The following PCDH15 variants were observed in gnomAD, a reference collection of about 807,000 sequenced individuals.
The protein encoded by PCDH15 is protocadherin-15.
PCDH15 carries 129 observed loss-of-function variants against 178.5 expected under a neutral mutation model. The ratio of observed to expected loss-of-function variants is 0.72; its 90% CI spans 0.63 to 0.84. PCDH15 has a LOEUF of 0.84. Among genes scored for constraint, PCDH15 ranks in the 40% least tolerant of loss-of-function variants. The pLI is 0.00. For synonymous variants in PCDH15, 800 were observed against 732.0 expected, an observed-to-expected ratio of 1.09 and a Z score of -1.50; for missense variants, 2,230 against 2,099.9, an observed-to-expected ratio of 1.06 and a Z score of -1.21.
chr10:55,353,282 T>A (rs4935592), intron 2 of PCDH15, among the ~76,000 whole-genome samples: 83,348 of 151,852 alleles, frequency 0.55, 23,417 homozygotes, highest in African/African-American at 0.65. Flanking sequence ...GTTGATTGTA[T>A]TGATTCTTAT....
At chr10:54,385,997 C>T (rs1949870259) in intron 3 of PCDH15, among the ~76,000 whole-genome samples, 1 of 151,958 alleles carries the variant, frequency 6.6e-6, no homozygotes, top group South Asian at 2.1e-4. Flanking sequence ...CTGAACTATT[C>T]TCTTAATGTC....
intron 2 of PCDH15, among the ~76,000 whole-genome samples, chr10:54,573,151 A>G (rs1444069605): frequency 6.6e-6 from 1 of 152,086 alleles, no homozygotes; most frequent in Admixed American, 6.6e-5. Context: ...CAATTTCAGG[A>G]GTGGATAAAG....
chr10:55,337,003 C>G (rs1408069137), intron 2 of PCDH15, among the ~76,000 whole-genome samples: 1 of 152,094 alleles, frequency 6.6e-6, no homozygotes, highest in Non-Finnish European at 1.5e-5. Flanking sequence ...GACCCCAACT[C>G]CCTCAATTGT....
chr10:55,031,892 T>TAC lies in PCDH15; in HGVS notation c.-79-134394_-79-134393dup, dbSNP rs139969818. On this transcript the variant is annotated intron_variant, in intron 2 of 5. Transcript: ENST00000458638. ...TGTTCTTTATAAATTACCCAGTCTGTACACACACACACAAATGAACTAAGA... is the reference window on the plus strand; with the variant it reads ...TGTTCTTTATAAATTACCCAGTCTGTACACACACACACACAAATGAACTAAGA... Among the ~76,000 whole-genome samples the TAC allele has an allele frequency of 6.9e-4, 105 of 151,944 alleles. No homozygotes were observed. The Middle Eastern group carries it at 0.01, about 15-fold the overall frequency.
chr10:55,353,059 T>A (rs1565046727), intron 2 of PCDH15, among the ~76,000 whole-genome samples: 1 of 152,234 alleles, frequency 6.6e-6, no homozygotes, highest in Non-Finnish European at 1.5e-5. Flanking sequence ...GTAGAACTAA[T>A]TGGGTTATGA....
chr10:54,148,151 A>G (rs2044167364), intron 14 of PCDH15, among the ~76,000 whole-genome samples: 1 of 152,024 alleles, frequency 6.6e-6, no homozygotes, highest in South Asian at 2.1e-4. Flanking sequence ...ATTATTTAAA[A>G]CGCACTCAAA....
chr10:54,590,110 T>C (rs2091782876), intron 2 of PCDH15, among the ~76,000 whole-genome samples: 1 of 152,188 alleles, frequency 6.6e-6, no homozygotes, highest in Non-Finnish European at 1.5e-5. Flanking sequence ...CAGATTAAAG[T>C]GTTATTAAGG....
chr10:54,968,596 A>T (rs1161954170), intron 2 of PCDH15, among the ~76,000 whole-genome samples: 1 of 151,802 alleles, frequency 6.6e-6, no homozygotes, highest in Non-Finnish European at 1.5e-5. Flanking sequence ...TTTTATTATG[A>T]TGTGTCTTAC....
Position 54,427,521 on chromosome 10 carries a change from G to A in PCDH15, c.158-48579C>T, listed in dbSNP as rs113836434. On this transcript the variant is annotated intron_variant, in intron 3 of 37. Transcript: ENST00000644397. ...TTGAACTCCTGACCTCAGGTGATCCGCCCACCTCAGCCTCCCAAAGTGCTG... is the reference window on the plus strand; with the variant it reads ...TTGAACTCCTGACCTCAGGTGATCCACCCACCTCAGCCTCCCAAAGTGCTG... 8.1e-3 allele frequency among the ~76,000 whole-genome samples: 1,230 copies of A among 151,548 alleles called. 16 individuals are homozygous for A. The highest frequency in any genetic ancestry group is 0.028 in the African/African-American group (1,153 of 41,350).
chr10:54,952,195 AG>A (rs1453528441), intron 2 of PCDH15, among the ~76,000 whole-genome samples: 1 of 151,862 alleles, frequency 6.6e-6, no homozygotes, highest in Non-Finnish European at 1.5e-5. Context: ...TTTCATGAAA[AG>A]TCTGTGTCTA....
At chr10:53,823,570 T>C in intron 32 of PCDH15, 2 of 670,086 alleles carry the variant, frequency 3.0e-6, no homozygotes, top group South Asian at 1.6e-5. Flanking sequence ...GAATGAGAAA[T>C]GTAAATGAAA....
intron 1 of PCDH15, among the ~76,000 whole-genome samples, chr10:55,284,917 A>G (rs1201098727): frequency 1.3e-5 from 2 of 151,870 alleles, no homozygotes; most frequent in African/African-American, 2.4e-5. Flanking sequence ...ATCAGAGTCT[A>G]GATAAAGAAA....
chr10:53,836,798 A>G (rs1016804540), intron 29 of PCDH15, among the ~76,000 whole-genome samples: 2 of 152,230 alleles, frequency 1.3e-5, no homozygotes, highest in Admixed American at 1.3e-4. Flanking sequence ...TAACAGAGCC[A>G]GATAGAGATA....
chr10:55,369,279 C>T (rs1845439966), intron 2 of PCDH15, among the ~76,000 whole-genome samples: 2 of 151,908 alleles, frequency 1.3e-5, no homozygotes, highest in South Asian at 4.1e-4. Flanking sequence ...AGTTTCTGCA[C>T]ACTTTTAAGG....
chr10:55,534,627 T>C (rs543186817), intron 2 of PCDH15, among the ~76,000 whole-genome samples: 1 of 152,238 alleles, frequency 6.6e-6, no homozygotes, highest in African/African-American at 2.4e-5. Context: ...GGTGAGAATG[T>C]AGATTAGTTC....
chr10:55,387,844 A>AT (rs896269111), intron 2 of PCDH15, among the ~76,000 whole-genome samples: 21 of 151,394 alleles, frequency 1.4e-4, no homozygotes, highest in East Asian at 7.8e-4. Flanking sequence ...ACACCGTGGT[A>AT]TTTTTTTTTA....
At chr10:55,142,398 G>T (rs1463832394) in intron 2 of PCDH15, among the ~76,000 whole-genome samples, 1 of 151,492 alleles carries the variant, frequency 6.6e-6, no homozygotes, top group Non-Finnish European at 1.5e-5. Context: ...TACCAAAATT[G>T]TTAATATGGA....
rs536820100 is a variant in PCDH15 at position 53,942,134 on chromosome 10, C to T, written c.3123-1159G>A. Among the ~76,000 whole-genome samples, 27 of 152,324 alleles carry T rather than the reference C, an allele frequency of 1.8e-4. No individual in the cohort carries two copies. In the South Asian group the frequency reaches 5.6e-3, roughly 32 times the overall value. ...TGTAAAGCAGTCTTTCTCACAGATA[C>T]TCTAGCACCTAATGGTGGTCCATAT... On this transcript the variant is annotated intron_variant, in intron 23 of 37. Coordinates refer to ENST00000644397, the MANE Select transcript of PCDH15 (RefSeq NM_001384140.1).
chr10:54,177,233 A>T (rs2133717430), intron 13 of PCDH15, among the ~76,000 whole-genome samples: 1 of 152,260 alleles, frequency 6.6e-6, no homozygotes, highest in South Asian at 2.1e-4. Flanking sequence ...AGGCAAAATC[A>T]TGGAGACTGT....
Sources: gnomAD v4.1 joint callset for allele counts (sites outside exome capture counted in the v4.1 genomes callset) on GRCh38, gnomAD v4.1.1 for gene constraint, MANE v1.5 for transcripts, NCBI Gene and HGNC (gene_info 2026-07-23, HGNC 2026-07-21) for gene names.